MTMR4: variants seen among roughly 807,000 people sequenced by gnomAD.
MTMR4 encodes the protein phosphatidylinositol-3,5-bisphosphate 3-phosphatase MTMR4.
MTMR4 carries 30 observed loss-of-function variants against 125.5 expected under a neutral mutation model. The ratio of observed to expected loss-of-function variants is 0.24; its 90% CI spans 0.18 to 0.32. MTMR4 has a LOEUF of 0.32. MTMR4 is among the 10% of genes least tolerant of loss of function. The pLI, the probability that MTMR4 is intolerant of heterozygous loss-of-function variation, is 1.00. For missense variants in MTMR4, 1,039 were observed against 1,511.5 expected, an observed-to-expected ratio of 0.69 and a Z score of 5.18; for synonymous variants, 498 against 564.5, an observed-to-expected ratio of 0.88 and a Z score of 1.67.
At position 58,512,706 on chromosome 17, in the gene MTMR4, G is replaced by A. The variant is rs563645095; in HGVS notation, c.135+146C>T. 1.4e-5 allele frequency: 11 copies of A among 798,134 alleles called. No homozygotes were observed. The highest frequency in any genetic ancestry group is 5.0e-5 in the South Asian group (3 of 59,860). 49.4% of individuals were successfully genotyped at this position (798,134 alleles called of 1,614,324 possible). ...CCTGCGGCCAAAGGCTCCAGGATGC[G>A]CAGACAAACCCTCCTCCTCCAGAGA... On this transcript the variant is annotated intron_variant, in intron 2 of 17. Coordinates refer to ENST00000682306, the MANE Select transcript of MTMR4 (RefSeq NM_001378067.1). This position sits in a 1 kb window ranked among gnomAD's most constrained non-coding sequence, Gnocchi z 4.1.
In MTMR4 at chr17:58,492,965, CAA is replaced by C; in HGVS notation, c.3253-15_3253-14del. Reference sequence around the variant, plus strand: ...CCTTCAAACATGTCTGATGAAAAGGCAAAGACAACAAATTATCTTCATCATCA... The same window carrying C: ...CCTTCAAACATGTCTGATGAAAAGGCAGACAACAAATTATCTTCATCATCA... On this transcript the variant is annotated splice_polypyrimidine_tract_variant and intron_variant, in intron 15 of 17. Transcript: ENST00000682306. 1 of 1,597,428 alleles carries C rather than the reference CAA, an allele frequency of 6.3e-7. No individual in the cohort carries two copies. Among genetic ancestry groups the C allele is most frequent in the African/African-American group, 1.3e-5 (1 of 74,732 alleles).
chr17:58,498,501 AAGGAGG>A (rs1337661784), intron 14 of MTMR4, among the ~76,000 whole-genome samples: 3 of 126,850 alleles, frequency 2.4e-5, no homozygotes, highest in African/African-American at 5.9e-5. Context: ...GAAGAAGAAG[AAGGAGG>A]AGGAGAAGGA....
chr17:58,508,149 C>T lies in MTMR4; in HGVS notation c.707+12G>A. 2.5e-6 allele frequency: 4 copies of T among 1,605,878 alleles called. No individual in the cohort carries two copies. Among genetic ancestry groups the T allele is most frequent in the Non-Finnish European group, 3.4e-6 (4 of 1,173,306 alleles). ...GAAATGGCCTCCCTACTTCCCAGCC[C>T]CACTGCCTCACCTATACACAACCAC... On this transcript the variant is annotated intron_variant, in intron 7 of 17. Coordinates refer to ENST00000682306, the MANE Select transcript of MTMR4 (RefSeq NM_001378067.1). The surrounding 1 kb of genome is among the most constrained non-coding windows in gnomAD (Gnocchi z 4.8).
At chr17:58,491,894 G>C in intron 17 of MTMR4, 54 bp from the exon 18 acceptor site, 1 of 1,557,316 alleles carries the variant, frequency 6.4e-7, no homozygotes, top group Non-Finnish European at 8.8e-7. Context: ...ATACTGGCCA[G>C]GCAGGGTGAC....
In MTMR4 at chr17:58,512,707, C is replaced by G; in HGVS notation, c.135+145G>C. 1 of 805,082 alleles carries G rather than the reference C, an allele frequency of 1.2e-6. No homozygotes were observed. Among genetic ancestry groups the G allele is most frequent in the East Asian group, 2.5e-5 (1 of 39,370 alleles). 49.9% of individuals were successfully genotyped at this position (805,082 alleles called of 1,614,324 possible). A position where few individuals can be genotyped will look rare whatever the true frequency, so the allele number is the denominator to read the frequency against. ...CTGCGGCCAAAGGCTCCAGGATGCG[C>G]AGACAAACCCTCCTCCTCCAGAGAC... On this transcript the variant is annotated intron_variant, in intron 2 of 17. Transcript: ENST00000682306. This position sits in a 1 kb window ranked among gnomAD's most constrained non-coding sequence, Gnocchi z 4.1.
At chr17:58,514,645 G>T, upstream of MTMR4, 1 of 985,314 alleles carries the variant, frequency 1.0e-6, no homozygotes, top group African/African-American at 1.7e-5. Flanking sequence ...GGGGAGCCAG[G>T]CGAGGGGAGA....
chr17:58,501,332 C>T (rs1325863937), intron 14 of MTMR4, among the ~76,000 whole-genome samples: 1 of 151,904 alleles, frequency 6.6e-6, no homozygotes, highest in African/African-American at 2.4e-5. Context: ...GCAACAGACC[C>T]GTCTCTACAA....
In MTMR4 at chr17:58,495,632, G is replaced by A. The variant is rs1975441853; in HGVS notation, c.2552C>T (p.Pro851Leu). 6.2e-7 allele frequency: 1 copy of A among 1,614,174 alleles called. No homozygotes were observed. Among genetic ancestry groups the A allele is most frequent in the Non-Finnish European group, 8.5e-7 (1 of 1,180,034 alleles). The change falls in exon 15 of 18, where the codon CCC becomes CTC. Residue 851 changes from proline (P) to leucine (L), a missense_variant. Coordinates refer to ENST00000682306, the MANE Select transcript of MTMR4 (RefSeq NM_001378067.1). ...DPSTDFLNQD[P>L]SGSVASISHQ... is the part of the protein sequence containing the mutation. Reference sequence around the variant, plus strand: ...GGAGATACTTGCCACAGACCCTGAGGGATCTTGGTTGAGGAAGTCAGTGCT... The same window carrying A: ...GGAGATACTTGCCACAGACCCTGAGAGATCTTGGTTGAGGAAGTCAGTGCT...
intron 15 of MTMR4, 75 bp downstream of exon 15, chr17:58,494,857 G>C: frequency 1.4e-6 from 2 of 1,418,516 alleles, no homozygotes; most frequent in Non-Finnish European, 1.9e-6. Context: ...AGTACCCAAC[G>C]AATAAATGCT....
Position 58,495,257 on chromosome 17 carries a change from G to A in MTMR4, c.2927C>T (p.Pro976Leu), listed in dbSNP as rs775926437. The A allele has an allele frequency of 6.2e-7, 1 of 1,614,202 alleles. No homozygotes were observed. The highest frequency in any genetic ancestry group is 8.5e-7 in the Non-Finnish European group (1 of 1,180,048). ...TCCATTGGAATGACTAGAACAGACA[G>A]GTGACTTCACACCTTCTCTCTGAGC... ...QWAQREGVKS[P>L]VCSSHSNGHC... The change falls in exon 15 of 18, where the codon CCT (proline) becomes CTT (leucine). Residue 976 changes from proline (P) to leucine (L), a missense_variant. Pro to Leu is a moderately conservative substitution (Grantham distance 98). Coordinates refer to ENST00000682306, the MANE Select transcript of MTMR4 (RefSeq NM_001378067.1).
Position 58,506,795 on chromosome 17 carries a change from G to A in MTMR4, c.981C>T (p.Ser327=). ...PQKLLILDAR[S]YTAAVANRAK... is the part of the protein sequence containing the mutation. ...CCCGGTTGGCCACTGCTGCCGTGTA[G>A]GATCGCGCATCCAGGATCAGCAGCT... Residue 327 remains serine, a synonymous_variant, in exon 9 of 18, where the codon TCC becomes TCT. Transcript: ENST00000682306. 5 of 1,614,006 alleles carry A rather than the reference G, an allele frequency of 3.1e-6. No individual in the cohort carries two copies. Among genetic ancestry groups the A allele is most frequent in the Non-Finnish European group, 4.2e-6 (5 of 1,180,016 alleles).
intron 1 of MTMR4, chr17:58,513,861 A>G (rs1397287769): frequency 1.3e-5 from 2 of 152,508 alleles, no homozygotes; most frequent in Non-Finnish European, 2.9e-5. Flanking sequence ...AAGATGGAGA[A>G]GAGAGGCTGT....
rs759408312 is a variant in MTMR4, at chr17:58,503,873, C to A, written c.1724G>T (p.Arg575Leu). 1.2e-6 allele frequency: 2 copies of A among 1,613,996 alleles called. No homozygotes were observed. Among genetic ancestry groups the A allele is most frequent in the Non-Finnish European group, 1.7e-6 (2 of 1,179,966 alleles). The stretch of plus-strand genomic sequence containing the variant: ...AACAGCTGTCCAGAGGTGCAGGGCC[C>A]GGACATGACAAACAGGATGCAGGAC... ...DMVLHPVCHV[R>L]ALHLWTAVYL... Residue 575 changes from arginine (R) to leucine (L), a missense_variant, in exon 14 of 18, where the codon CGG (arginine) becomes CTG (leucine). Arg to Leu is a moderately radical substitution (Grantham distance 102). Around this residue, in one of 6 missense-constraint regions of MTMR4, gnomAD observed 619 missense variants for 714.5 expected, o/e 0.87. Transcript: ENST00000682306.
At chr17:58,496,549 G>A (rs934501412) in intron 14 of MTMR4, among the ~76,000 whole-genome samples, 8 of 152,230 alleles carry the variant, frequency 5.3e-5, no homozygotes, top group South Asian at 2.1e-4. Context: ...CGTGTCCTCC[G>A]GAACCCAAAA....
chr17:58,506,959 C>A, intron 8 of MTMR4, 88 bp from the exon 9 acceptor site: 1 of 1,565,096 alleles, frequency 6.4e-7, no homozygotes, highest in South Asian at 1.2e-5. Context: ...GAAGGCAGAA[C>A]ATGCAACTAG....
Position 58,508,927 on chromosome 17 carries a change from AG to A in MTMR4, c.336-87del. The A allele has an allele frequency of 6.9e-7, 1 of 1,456,878 alleles. No homozygotes were observed. The highest frequency in any genetic ancestry group is 1.3e-5 in the South Asian group (1 of 78,846). The allele number at this position is 1,456,878 out of a possible 1,614,324, so 90.2% of individuals were successfully genotyped here. On this transcript the variant is annotated intron_variant, in intron 4 of 17. Coordinates refer to ENST00000682306, the MANE Select transcript of MTMR4 (RefSeq NM_001378067.1). The surrounding 1 kb of genome is among the most constrained non-coding windows in gnomAD (Gnocchi z 4.8). ...CAGGGCCAAAAACACAGCCACAGGAAGGCTGTGAGGAGAGAAGGCTGCAAAG... is the reference window on the plus strand; with the variant it reads ...CAGGGCCAAAAACACAGCCACAGGAAGCTGTGAGGAGAGAAGGCTGCAAAG...
At chr17:58,497,828 A>G (rs1424836872) in intron 14 of MTMR4, among the ~76,000 whole-genome samples, 2 of 146,384 alleles carry the variant, frequency 1.4e-5, no homozygotes, top group Non-Finnish European at 3.0e-5. Context: ...GACCTACTGA[A>G]TAAGAATGGC....
chr17:58,495,939 G>C lies in MTMR4; in HGVS notation c.2245C>G (p.Pro749Ala). Reference sequence around the variant, plus strand: ...CTACCCAGCTCATCCTGGGCAGAAGGGTCTGGAGCTGGTCCCTTAGTCTCT... The same window carrying C: ...CTACCCAGCTCATCCTGGGCAGAAGCGTCTGGAGCTGGTCCCTTAGTCTCT... ...LEETKGPAPD[P>A]SAQDELGRTL... The change falls in exon 15 of 18, where the codon CCT (proline) becomes GCT (alanine). Residue 749 changes from proline (P) to alanine (A), a missense_variant. By Grantham distance (27) the Pro-to-Ala change is conservative. Coordinates refer to ENST00000682306, the MANE Select transcript of MTMR4 (RefSeq NM_001378067.1). 6 of 1,614,130 alleles carry C rather than the reference G, an allele frequency of 3.7e-6. No homozygotes were observed. The highest frequency in any genetic ancestry group is 5.1e-6 in the Non-Finnish European group (6 of 1,180,036).
rs1399645603 is a variant in MTMR4, at chr17:58,491,410, A to C, written c.*253T>G. 1.7e-5 allele frequency: 5 copies of C among 287,374 alleles called. No individual in the cohort carries two copies. The highest frequency in any genetic ancestry group is 3.3e-5 in the Non-Finnish European group (5 of 151,762). 17.8% of individuals were successfully genotyped at this position (287,374 alleles called of 1,614,324 possible). ...CCAGGAGAAAGAGGCTGGAGTCACC[A>C]ACTCAACATTAAGCTTCCAGACCCT... On this transcript the variant is annotated 3_prime_UTR_variant, in exon 18 of 18. Coordinates refer to ENST00000682306, the MANE Select transcript of MTMR4 (RefSeq NM_001378067.1).
Sources: gnomAD v4.1 joint callset for allele counts (sites outside exome capture counted in the v4.1 genomes callset) on GRCh38, gnomAD v4.1.1 for gene constraint, gnomAD v4.1.1 regional missense constraint, Gnocchi (gnomAD v3.1) non-coding constraint, MANE v1.5 for transcripts, NCBI Gene and HGNC (gene_info 2026-07-23, HGNC 2026-07-21) for gene names.